CBX7: variants seen among roughly 807,000 people sequenced by gnomAD.
CBX7 encodes chromobox 7, also known as chromobox protein homolog 7.
In CBX7, 14 loss-of-function variants were observed where a neutral mutation model predicts 31.4. The ratio of observed to expected loss-of-function variants is 0.45; its 90% CI spans 0.29 to 0.70. The LOEUF (loss-of-function observed/expected upper bound fraction) is 0.70. CBX7 is among the 30% of genes least tolerant of loss of function. CBX7 has a pLI of 0.11. For missense variants in CBX7, 269 were observed against 351.9 expected (o/e 0.76, Z 1.89); for synonymous variants, 159 against 152.6 (o/e 1.04, Z -0.31).
intron 1 of CBX7, 141 bp from the exon 2 acceptor site, chr22:39,149,973 G>T: frequency 1.4e-6 from 1 of 713,628 alleles, no homozygotes; most frequent in Non-Finnish European, 2.5e-6. Context: ...CACAATCCGG[G>T]GACTGTCCAC....
chr22:39,133,861 A>C lies in CBX7; in HGVS notation c.*30T>G, dbSNP rs1304740307. 4 of 1,553,616 alleles carry C rather than the reference A, an allele frequency of 2.6e-6. No individual in the cohort carries two copies. The East Asian group carries it at 7.1e-5, about 27-fold the overall frequency. On this transcript the variant is annotated 3_prime_UTR_variant, in exon 6 of 6. Coordinates refer to ENST00000216133, the MANE Select transcript of CBX7 (RefSeq NM_175709.5). ...GAAGTCCCACCCCAAGCCCAAAAGA[A>C]AACAGTTTAAGAAGAGTAAAAACGG...
chr22:39,150,293 T>C (rs1930806050), intron 1 of CBX7, among the ~76,000 whole-genome samples: 2 of 152,106 alleles, frequency 1.3e-5, no homozygotes, highest in Admixed American at 6.5e-5. Context: ...ATCTGCTGAG[T>C]CCCCTTTCAG....
intron 3 of CBX7, 199 bp downstream of exon 3, chr22:39,141,169 CCAA>C: frequency 1.9e-6 from 1 of 538,216 alleles, no homozygotes. Flanking sequence ...CCGAGATCAC[CCAA>C]CAACAGGAAA....
rs1409459077 is a variant in CBX7, at chr22:39,133,394, TGCCCCTTCCTCCC to T, written c.*484_*496del. On this transcript the variant is annotated 3_prime_UTR_variant, in exon 6 of 6. Coordinates refer to ENST00000216133, the MANE Select transcript of CBX7 (RefSeq NM_175709.5). The stretch of plus-strand genomic sequence containing the variant: ...CCCAAGTAACCTCAACCCTTCCTCC[TGCCCCTTCCTCCC>T]GCCCCACTCACTTTTGGTCAAAACC... The T allele has an allele frequency of 1.3e-5, 2 of 152,396 alleles. No individual in the cohort carries two copies. The highest frequency in any genetic ancestry group is 4.8e-5 in the African/African-American group (2 of 41,392). 9.4% of individuals were successfully genotyped at this position (152,396 alleles called of 1,614,324 possible). A position where few individuals can be genotyped will look rare whatever the true frequency, so the allele number is the denominator to read the frequency against.
intron 4 of CBX7, among the ~76,000 whole-genome samples, chr22:39,137,635 C>T (rs927906940): frequency 1.4e-4 from 22 of 152,206 alleles, no homozygotes; most frequent in African/African-American, 5.1e-4. Flanking sequence ...AGGCATGAGC[C>T]ACCGCACATG....
At chr22:39,151,647 C>T (rs1569113605) in intron 1 of CBX7, among the ~76,000 whole-genome samples, 1 of 152,216 alleles carries the variant, frequency 6.6e-6, no homozygotes, top group Non-Finnish European at 1.5e-5. Context: ...AGCCCCCTCG[C>T]CAAACAAGTG....
At chr22:39,142,940 C>T (rs985823475) in intron 2 of CBX7, among the ~76,000 whole-genome samples, 2 of 143,778 alleles carry the variant, frequency 1.4e-5, no homozygotes, top group African/African-American at 5.6e-5. Flanking sequence ...AAAAACAAAG[C>T]TTTAAGGCCA....
Position 39,141,250 on chromosome 22 carries a change from T to C in CBX7, c.179+121A>G, listed in dbSNP as rs1930444421. 3 of 742,460 alleles carry C rather than the reference T, an allele frequency of 4.0e-6. No individual in the cohort carries two copies. In the Admixed American group the frequency reaches 7.7e-5, roughly 19 times the overall value. The allele number at this position is 742,460 out of a possible 1,614,324, so 46.0% of individuals were successfully genotyped here. On this transcript the variant is annotated intron_variant, in intron 3 of 5. Coordinates refer to ENST00000216133, the MANE Select transcript of CBX7 (RefSeq NM_175709.5). ...ATTTTCACCCAGCTGCAGGCTGGGC[T>C]GGCCTGCCCCATCGGACACCCCTGC...
rs1027907192 is a variant in CBX7 at position 39,143,845 on chromosome 22, G to A, written c.114-2409C>T. On this transcript the variant is annotated intron_variant, in intron 2 of 5. Coordinates refer to ENST00000216133, the MANE Select transcript of CBX7 (RefSeq NM_175709.5). ...GGCGTGCAGTGGGTTGTACCATCTA[G>A]GTGTGCCTAAGGTCACTCTGATGTT... Among the ~76,000 whole-genome samples the A allele has an allele frequency of 2.6e-5, 4 of 152,214 alleles. No individual in the cohort carries two copies. The East Asian group carries it at 7.7e-4, about 29-fold the overall frequency.
chr22:39,139,443 C>A (rs1016478316), intron 3 of CBX7, among the ~76,000 whole-genome samples: 3 of 152,094 alleles, frequency 2.0e-5, no homozygotes, highest in African/African-American at 7.2e-5. Context: ...TGGCTCACGC[C>A]CGTAATCCCA....
intron 3 of CBX7, among the ~76,000 whole-genome samples, chr22:39,140,376 C>T (rs1404401137): frequency 1.3e-5 from 2 of 152,116 alleles, no homozygotes; most frequent in African/African-American, 4.8e-5. Context: ...CAAGGCCCCA[C>T]CACACACCTG....
intron 2 of CBX7, among the ~76,000 whole-genome samples, chr22:39,142,029 G>A (rs893151985): frequency 1.1e-4 from 17 of 152,192 alleles, no homozygotes; most frequent in African/African-American, 4.1e-4. Flanking sequence ...GAGGGCGCCT[G>A]TAAGCCCCAC....
At chr22:39,146,307 C>A (rs1022331008) in intron 2 of CBX7, among the ~76,000 whole-genome samples, 16 of 152,254 alleles carry the variant, frequency 1.1e-4, no homozygotes, top group Admixed American at 8.5e-4. Flanking sequence ...GTCTGCGGCT[C>A]CTAACTCCAG....
At chr22:39,144,062 C>T (rs1930554927) in intron 2 of CBX7, among the ~76,000 whole-genome samples, 1 of 152,314 alleles carries the variant, frequency 6.6e-6, no homozygotes, top group East Asian at 1.9e-4. Context: ...CCTGGGAGAG[C>T]CCCTGCCCTG....
chr22:39,134,207 T>A (rs1930156718), intron 5 of CBX7, 159 bp from the exon 6 acceptor site: 6 of 863,068 alleles, frequency 7.0e-6, no homozygotes, highest in East Asian at 5.3e-5. Flanking sequence ...ACTGGGTGCA[T>A]CCTCCCCACC....
chr22:39,139,526 C>A (rs371544613), intron 3 of CBX7, among the ~76,000 whole-genome samples: 13 of 151,926 alleles, frequency 8.6e-5, no homozygotes, highest in African/African-American at 3.1e-4. Flanking sequence ...CACAGTGAAA[C>A]CCTGTCTCTA....
rs1435414370 is a variant in CBX7 at position 39,132,849 on chromosome 22, A to C, written c.*1042T>G. ...AAAGTCACCTGAGTCAGAAAGAACA[A>C]GAACCCCTCACGGGAGGAAGGACAG... is the stretch of plus-strand genomic sequence containing the variant. On this transcript the variant is annotated 3_prime_UTR_variant, in exon 6 of 6. Transcript: ENST00000216133. 1 of 152,710 alleles carries C rather than the reference A, an allele frequency of 6.5e-6. No homozygotes were observed. The highest frequency in any genetic ancestry group is 1.5e-5 in the Non-Finnish European group (1 of 68,148). The allele number at this position is 152,710 out of a possible 1,614,324, so 9.5% of individuals were successfully genotyped here.
intron 4 of CBX7, among the ~76,000 whole-genome samples, chr22:39,138,190 A>G (rs1353697155): frequency 6.6e-6 from 1 of 152,052 alleles, no homozygotes; most frequent in Non-Finnish European, 1.5e-5. Flanking sequence ...CTCAAAAAAA[A>G]AAAAAAAAAA....
chr22:39,142,429 G>A (rs989313602), intron 2 of CBX7, among the ~76,000 whole-genome samples: 6 of 152,134 alleles, frequency 3.9e-5, no homozygotes, highest in African/African-American at 7.2e-5. Flanking sequence ...AATGTCTAGT[G>A]GCTGAATGGT....
Sources: gnomAD v4.1 joint callset for allele counts (sites outside exome capture counted in the v4.1 genomes callset) on GRCh38, gnomAD v4.1.1 for gene constraint, MANE v1.5 for transcripts, NCBI Gene and HGNC (gene_info 2026-07-23, HGNC 2026-07-21) for gene names.